MBP: variants seen among roughly 807,000 people sequenced by gnomAD.
The protein encoded by MBP is myelin basic protein, also known as Golli-MBP.
Under a neutral mutation model 35.8 loss-of-function variants are expected in MBP, and 16 were observed. The ratio of observed to expected loss-of-function variants is 0.45; its 90% CI spans 0.30 to 0.68. The LOEUF is 0.68. Ranked by LOEUF, MBP falls within the 30% of genes least tolerant of loss-of-function variation. The probability of loss-of-function intolerance (pLI) is 0.08; values close to 1 mark genes in which losing one functional copy is unlikely to be tolerated. For missense variants in MBP, 380 were observed against 404.7 expected (o/e 0.94, Z 0.52); for synonymous variants, 143 against 159.6 (o/e 0.90, Z 0.78).
intron 3 of MBP, among the ~76,000 whole-genome samples, chr18:77,043,720 T>A (rs576731434): frequency 5.3e-4 from 80 of 152,166 alleles, no homozygotes; most frequent in African/African-American, 1.8e-3. Context: ...GCGGACTGAG[T>A]CACTGCTTTG....
At chr18:77,072,332 C>T (rs766972103) in intron 2 of MBP, among the ~76,000 whole-genome samples, 34 of 152,278 alleles carry the variant, frequency 2.2e-4, no homozygotes, top group African/African-American at 2.6e-4. Context: ...TATTCCCTGC[C>T]GTAGACAGAT....
chr18:77,054,406 TG>T (rs1334320210), intron 3 of MBP, among the ~76,000 whole-genome samples: 1 of 152,170 alleles, frequency 6.6e-6, no homozygotes, highest in East Asian at 1.9e-4. Flanking sequence ...CCCAGGAGGC[TG>T]CGGGAGGGAG....
intron 2 of MBP, among the ~76,000 whole-genome samples, chr18:77,081,547 T>C (rs2144923835): frequency 6.6e-6 from 1 of 152,192 alleles, no homozygotes; most frequent in South Asian, 2.1e-4. Flanking sequence ...TAATGGCAGC[T>C]GCTGGTGAGG....
intron 1 of MBP, among the ~76,000 whole-genome samples, chr18:77,130,412 T>G (rs1568354398): frequency 6.6e-6 from 1 of 151,152 alleles, no homozygotes; most frequent in Non-Finnish European, 1.5e-5. Flanking sequence ...AATGAAGATA[T>G]GAATAGGATG....
At chr18:77,051,142 G>T (rs1460499893) in intron 3 of MBP, among the ~76,000 whole-genome samples, 1 of 152,206 alleles carries the variant, frequency 6.6e-6, no homozygotes, top group Non-Finnish European at 1.5e-5. Context: ...GTCAGAGGAA[G>T]AAAGGCAGGA....
chr18:77,009,935 G>T (rs767551933), intron 4 of MBP: 1 of 1,574,010 alleles, frequency 6.4e-7, no homozygotes, highest in South Asian at 1.2e-5. Context: ...ACCTGCCGGG[G>T]GACACAGAGT....
chr18:76,980,753 G>T (rs958017251), intron 8 of MBP: 2 of 418,536 alleles, frequency 4.8e-6, no homozygotes, highest in East Asian at 8.6e-5. Flanking sequence ...AAACAACGCT[G>T]CACTTCTGTG....
chr18:77,029,626 T>A (rs1972464353), intron 3 of MBP, among the ~76,000 whole-genome samples: 1 of 152,168 alleles, frequency 6.6e-6, no homozygotes, highest in South Asian at 2.1e-4. Context: ...CTGATTTATT[T>A]CAGAGATCAA....
rs114584220 is a variant in MBP, at chr18:77,042,521, C to T, written c.139+23777G>A. Among the ~76,000 whole-genome samples the T allele has an allele frequency of 8.1e-4, 124 of 152,336 alleles. 1 individual carries two copies. Among genetic ancestry groups the T allele is most frequent in the African/African-American group, 2.7e-3 (113 of 41,572 alleles). ...TAGTGAGAAACCATAACCATTAATACGTATTCTGTATTGCGGGATAGACAT... is the reference window on the plus strand; with the variant it reads ...TAGTGAGAAACCATAACCATTAATATGTATTCTGTATTGCGGGATAGACAT... On this transcript the variant is annotated intron_variant, in intron 3 of 8. Transcript: ENST00000355994.
At position 76,979,614 on chromosome 18, in the gene MBP, G is replaced by C. The variant is rs1969067605; in HGVS notation, c.*813C>G. ...GGAAACGAGGTTGTTCATAGAGGCT[G>C]CTCTGGGGCCACCATGCAGGGCAAC... On this transcript the variant is annotated 3_prime_UTR_variant, in exon 9 of 9. Coordinates refer to ENST00000355994, the MANE Select transcript of MBP (RefSeq NM_001025101.2). 3.0e-6 allele frequency: 1 copy of C among 336,052 alleles called. No homozygotes were observed. The highest frequency in any genetic ancestry group is 5.6e-6 in the Non-Finnish European group (1 of 179,696). 20.8% of individuals were successfully genotyped at this position (336,052 alleles called of 1,614,324 possible).
At chr18:77,105,824 T>A (rs1184070062) in intron 1 of MBP, among the ~76,000 whole-genome samples, 5 of 152,214 alleles carry the variant, frequency 3.3e-5, no homozygotes, top group African/African-American at 1.2e-4. Flanking sequence ...GTCCAAAGAA[T>A]CTGCAGAATT....
intron 2 of MBP, among the ~76,000 whole-genome samples, chr18:77,084,913 G>T (rs1975158887): frequency 6.6e-6 from 1 of 151,810 alleles, no homozygotes; most frequent in African/African-American, 2.4e-5. Context: ...TCCATCAGCT[G>T]GTTAAGTAAA....
chr18:77,025,182 CA>C (rs1297478260), intron 3 of MBP, among the ~76,000 whole-genome samples: 1 of 152,214 alleles, frequency 6.6e-6, no homozygotes. Flanking sequence ...GGCGATCCCC[CA>C]CCTCTAGCTG....
Position 77,066,567 on chromosome 18 carries a change from G to A in MBP, c.52-182C>T, listed in dbSNP as rs543637881. The A allele has an allele frequency of 1.1e-5, 8 of 759,382 alleles. No individual in the cohort carries two copies. The Admixed American group carries it at 1.4e-4, about 13-fold the overall frequency. The allele number at this position is 759,382 out of a possible 1,614,324, so 47.0% of individuals were successfully genotyped here. ...TTTTCTGCGCAGGATTCGGAATTCT[G>A]GCTTGTTTTCTCTGCCTAAGCACCT... On this transcript the variant is annotated intron_variant, in intron 2 of 8. Coordinates refer to ENST00000355994, the MANE Select transcript of MBP (RefSeq NM_001025101.2).
rs60116811 is a variant in MBP at position 77,081,821 on chromosome 18, C to T, written c.52-15436G>A. Among the ~76,000 whole-genome samples the T allele has an allele frequency of 5.7e-3, 334 of 58,596 alleles. 4 individuals carry two copies. Among genetic ancestry groups the T allele is most frequent in the East Asian group, 0.013 (10 of 770 alleles). The allele number at this position is 58,596 out of a possible 152,430, so 38.4% of individuals were successfully genotyped here. On this transcript the variant is annotated intron_variant, in intron 2 of 8. Transcript: ENST00000355994. ...ATATATATATGCACACACATATATA[C>T]ACACACACACACACACACACATATA...
chr18:77,100,951 C>G (rs546443338), intron 2 of MBP, among the ~76,000 whole-genome samples: 18 of 152,306 alleles, frequency 1.2e-4, no homozygotes, highest in Non-Finnish European at 2.4e-4. Context: ...AGATCCACAG[C>G]ATTCAGAGAA....
intron 2 of MBP, among the ~76,000 whole-genome samples, chr18:77,068,291 C>A (rs765321123): frequency 3.3e-5 from 5 of 152,126 alleles, no homozygotes; most frequent in Non-Finnish European, 4.4e-5. Context: ...AGCAGACGCC[C>A]CCGTATGAAG....
At chr18:77,007,838 T>C (rs556149212) in intron 4 of MBP, among the ~76,000 whole-genome samples, 2 of 152,342 alleles carry the variant, frequency 1.3e-5, no homozygotes, top group African/African-American at 4.8e-5. Context: ...AGGATTTACT[T>C]ATCTTTGGCC....
intron 3 of MBP, among the ~76,000 whole-genome samples, chr18:77,065,224 A>G (rs549732789): frequency 1.3e-5 from 2 of 152,198 alleles, no homozygotes; most frequent in Non-Finnish European, 2.9e-5. Flanking sequence ...TTGAGGCTGG[A>G]AAGTCCCAGG....
Sources: gnomAD v4.1 joint callset for allele counts (sites outside exome capture counted in the v4.1 genomes callset) on GRCh38, gnomAD v4.1.1 for gene constraint, MANE v1.5 for transcripts, NCBI Gene and HGNC (gene_info 2026-07-23, HGNC 2026-07-21) for gene names.